OLFML2B: variants seen among roughly 807,000 people sequenced by gnomAD.
OLFML2B encodes the protein olfactomedin like 2B.
OLFML2B carries 57 observed loss-of-function variants against 74.9 expected under a neutral mutation model. The ratio of observed to expected loss-of-function variants is 0.76; its 90% CI spans 0.61 to 0.95. The LOEUF (loss-of-function observed/expected upper bound fraction) is 0.95. OLFML2B is among the 40% of genes least tolerant of loss of function. The pLI is 0.00. For synonymous variants in OLFML2B, 388 were observed against 405.8 expected (o/e 0.96, Z 0.53); for missense variants, 986 against 970.6 (o/e 1.02, Z -0.21).
At chr1:161,991,051 C>T (rs2499838) in intron 6 of OLFML2B, among the ~76,000 whole-genome samples, 98,053 of 152,034 alleles carry the variant, frequency 0.64, 31,890 homozygotes, top group Middle Eastern at 0.7. Flanking sequence ...TTTCTTGATA[C>T]TTCCACATCT....
At chr1:161,996,084 C>T (rs1456073983) in intron 6 of OLFML2B, among the ~76,000 whole-genome samples, 1 of 152,180 alleles carries the variant, frequency 6.6e-6, no homozygotes, top group African/African-American at 2.4e-5. Flanking sequence ...CCAAGAACTG[C>T]CTTCTCGCTT....
At chr1:162,000,394 G>T in intron 4 of OLFML2B, 56 bp from the exon 5 acceptor site, 1 of 1,437,292 alleles carries the variant, frequency 7.0e-7, no homozygotes, top group Non-Finnish European at 9.6e-7. Flanking sequence ...AGAGGCAGTG[G>T]GCAGGTGGGG....
At chr1:161,990,029 C>T (rs543530961) in intron 6 of OLFML2B, among the ~76,000 whole-genome samples, 186 of 152,288 alleles carry the variant, frequency 1.2e-3, no homozygotes, top group African/African-American at 4.1e-3. Flanking sequence ...GAAATTGATA[C>T]GAAAGAAGAG....
intron 2 of OLFML2B, among the ~76,000 whole-genome samples, chr1:162,018,606 C>A (rs1383430800): frequency 6.6e-6 from 1 of 152,212 alleles, no homozygotes; most frequent in Non-Finnish European, 1.5e-5. Flanking sequence ...TTTATCAATA[C>A]CATCCTGCCT....
chr1:161,989,752 C>T (rs1335340636), intron 6 of OLFML2B, among the ~76,000 whole-genome samples: 1 of 152,216 alleles, frequency 6.6e-6, no homozygotes, highest in African/African-American at 2.4e-5. Context: ...TGTGTGGCCA[C>T]ATTCTTTGTC....
chr1:161,987,464 G>A (rs1689621378), intron 6 of OLFML2B, among the ~76,000 whole-genome samples: 1 of 152,102 alleles, frequency 6.6e-6, no homozygotes, highest in Non-Finnish European at 1.5e-5. Flanking sequence ...AAGAGAGGAG[G>A]AAGCAATGTG....
chr1:161,990,773 A>G (rs12046108), intron 6 of OLFML2B, among the ~76,000 whole-genome samples: 8,305 of 152,268 alleles, frequency 0.055, 387 homozygotes, highest in African/African-American at 0.12. Context: ...GCTGTTTGAT[A>G]GCATTTTACC....
At chr1:161,990,487 T>C (rs1253012126) in intron 6 of OLFML2B, among the ~76,000 whole-genome samples, 2 of 152,248 alleles carry the variant, frequency 1.3e-5, no homozygotes, top group African/African-American at 4.8e-5. Flanking sequence ...CTGCAGTCTA[T>C]TAAGGGTTCA....
chr1:161,986,765 C>A (rs1202004217), intron 6 of OLFML2B, among the ~76,000 whole-genome samples: 2 of 152,188 alleles, frequency 1.3e-5, no homozygotes, highest in African/African-American at 4.8e-5. Context: ...CCTAGCTCAC[C>A]ATGAGGATTG....
In OLFML2B at chr1:162,020,195, A is replaced by T; in HGVS notation, c.175-13T>A. The T allele has an allele frequency of 6.2e-7, 1 of 1,613,532 alleles. No individual in the cohort carries two copies. On this transcript the variant is annotated splice_polypyrimidine_tract_variant and intron_variant, in intron 1 of 7. Coordinates refer to ENST00000294794, the MANE Select transcript of OLFML2B (RefSeq NM_015441.3). ...AGTCCCCCAGCAACTAGACACACAGAAAACGGGTTAGGGGCATGCAAACAC... is the reference window on the plus strand; with the variant it reads ...AGTCCCCCAGCAACTAGACACACAGTAAACGGGTTAGGGGCATGCAAACAC...
intron 6 of OLFML2B, among the ~76,000 whole-genome samples, chr1:161,995,946 G>A (rs985995724): frequency 6.6e-6 from 1 of 152,196 alleles, no homozygotes; most frequent in Non-Finnish European, 1.5e-5. Context: ...ACAAAGGCCA[G>A]GCTGCCCAGA....
chr1:162,013,389 A>C (rs1690447396), intron 3 of OLFML2B, among the ~76,000 whole-genome samples: 1 of 152,176 alleles, frequency 6.6e-6, no homozygotes, highest in African/African-American at 2.4e-5. Context: ...GTGAACTGGA[A>C]AGATATTTTT....
At chr1:162,010,544 G>T (rs1009348970) in intron 3 of OLFML2B, among the ~76,000 whole-genome samples, 1 of 152,208 alleles carries the variant, frequency 6.6e-6, no homozygotes, top group Non-Finnish European at 1.5e-5. Flanking sequence ...AACCAGATGT[G>T]TAGACCGATG....
At chr1:162,007,054 C>T (rs778455966) in intron 3 of OLFML2B, among the ~76,000 whole-genome samples, 4 of 152,178 alleles carry the variant, frequency 2.6e-5, no homozygotes, top group Non-Finnish European at 4.4e-5. Context: ...TTCCTATTTA[C>T]CCATAAAAAC....
chr1:161,987,002 T>C lies in OLFML2B; in HGVS notation c.1475-2022A>G, dbSNP rs147774027. ...TGTGCAGCTCCAGCAGCCCTGAAAATCCCTGCAGGGTTCCGTCTCACACCA... is the reference window on the plus strand; with the variant it reads ...TGTGCAGCTCCAGCAGCCCTGAAAACCCCTGCAGGGTTCCGTCTCACACCA... On this transcript the variant is annotated intron_variant, in intron 6 of 7. Transcript: ENST00000294794. Among the ~76,000 whole-genome samples the C allele has an allele frequency of 1.7e-3, 261 of 152,210 alleles. 2 individuals are homozygous for C. The highest frequency in any genetic ancestry group is 6.1e-3 in the African/African-American group (255 of 41,534).
At chr1:162,005,957 G>C (rs184337211) in intron 4 of OLFML2B, among the ~76,000 whole-genome samples, 1 of 148,848 alleles carries the variant, frequency 6.7e-6, no homozygotes, top group Non-Finnish European at 1.5e-5. Flanking sequence ...AGTAAACCAG[G>C]ATGGTCCCAG....
In OLFML2B at chr1:161,998,150, G is replaced by A. The variant is rs2101958475; in HGVS notation, c.1149C>T (p.Pro383=). 6.2e-7 allele frequency: 1 copy of A among 1,614,096 alleles called. No homozygotes were observed. The highest frequency in any genetic ancestry group is 8.5e-7 in the Non-Finnish European group (1 of 1,180,048). The change falls in exon 6 of 8, where the codon CCC becomes CCT. Residue 383 remains proline (P), a synonymous_variant. Transcript: ENST00000294794. The part of the protein sequence containing the change: ...SALPQPSTSD[P]SIANHASVGP... ...CCACTGAGGCATGGTTGGCGATGCTGGGATCTGAGGTCGAGGGCTGTGGCA... is the reference window on the plus strand; with the variant it reads ...CCACTGAGGCATGGTTGGCGATGCTAGGATCTGAGGTCGAGGGCTGTGGCA...
In OLFML2B at chr1:162,000,327, C is replaced by G. The variant is rs963534995; in HGVS notation, c.735G>C (p.Arg245=). The G allele has an allele frequency of 2.5e-6, 4 of 1,612,080 alleles. No individual in the cohort carries two copies. The African/African-American group carries it at 5.3e-5, about 22-fold the overall frequency. ...GGGACACGGTTTCTTCCTGCAGAAA[C>G]CGCTCTTCATACTGCTCCTCAGAGG... ...AAYAHPEYEE[R]FLQEETVSQQ... is the part of the protein sequence containing the mutation. The change falls in exon 5 of 8, where the codon CGG becomes CGC. Residue 245 remains arginine, a synonymous_variant. Transcript: ENST00000294794.
Position 162,023,264 on chromosome 1 carries a change from A to G in OLFML2B, c.167T>C (p.Leu56Ser), listed in dbSNP as rs866063642. 6.5e-7 allele frequency: 1 copy of G among 1,540,538 alleles called. No individual in the cohort carries two copies. The highest frequency in any genetic ancestry group is 1.9e-5 in the Admixed American group (1 of 53,726). ...QNEADNQENV[L>S]SQLLGDYDKV... is the part of the protein sequence containing the mutation. ...TGGCACTCTGCATCCTACCTGAGAT[A>G]AAACGTTCTCCTGGTTGTCCGCCTC... The change falls in exon 1 of 8, where the codon TTA (leucine) becomes TCA (serine). Residue 56 changes from leucine (L) to serine (S), a missense_variant. Leu to Ser is a moderately radical substitution (Grantham distance 145). Coordinates refer to ENST00000294794, the MANE Select transcript of OLFML2B (RefSeq NM_015441.3).
Sources: gnomAD v4.1 joint callset for allele counts (sites outside exome capture counted in the v4.1 genomes callset) on GRCh38, gnomAD v4.1.1 for gene constraint, MANE v1.5 for transcripts, NCBI Gene and HGNC (gene_info 2026-07-23, HGNC 2026-07-21) for gene names.